The following FSTL5 variants were observed in gnomAD, a reference collection of about 807,000 sequenced individuals.
FSTL5 encodes the protein follistatin like 5, also known as follistatin-related protein 5.
A neutral mutation model predicts 89.1 loss-of-function variants in FSTL5; 62 were observed. The ratio of observed to expected loss-of-function variants is 0.70; its 90% CI spans 0.57 to 0.86. The LOEUF is 0.86. Among genes scored for constraint, FSTL5 ranks in the 40% least tolerant of loss-of-function variants. The probability of loss-of-function intolerance (pLI) is 0.00; values close to 1 mark genes in which losing one functional copy is unlikely to be tolerated. For missense variants in FSTL5, 1,057 were observed against 1,001.6 expected (o/e 1.06, Z -0.75); for synonymous variants, 383 against 346.2 (o/e 1.11, Z -1.18).
At chr4:161,510,083 C>T (rs1330690963) in intron 11 of FSTL5, among the ~76,000 whole-genome samples, 2 of 152,038 alleles carry the variant, frequency 1.3e-5, no homozygotes, top group Non-Finnish European at 2.9e-5. Context: ...TCTTACTCTG[C>T]ATTAATCAGA....
At chr4:161,624,260 C>G (rs1056407956) in intron 7 of FSTL5, among the ~76,000 whole-genome samples, 2 of 151,960 alleles carry the variant, frequency 1.3e-5, no homozygotes, top group African/African-American at 4.8e-5. Context: ...CATAGAAATA[C>G]ATGCCAAATT....
At chr4:161,622,376 T>C (rs770216258) in intron 7 of FSTL5, among the ~76,000 whole-genome samples, 1 of 152,100 alleles carries the variant, frequency 6.6e-6, no homozygotes, top group African/African-American at 2.4e-5. Context: ...TCTGAACATA[T>C]GTTATGAAGT....
At chr4:161,849,488 G>A (rs78416801) in intron 4 of FSTL5, among the ~76,000 whole-genome samples, 11,730 of 150,352 alleles carry the variant, frequency 0.078, 527 homozygotes, top group African/African-American at 0.12. Flanking sequence ...GTTATTAATG[G>A]CTCAAAACTA....
rs576648113 is a variant in FSTL5, at chr4:161,498,094, A to C, written c.1458+1922T>G. On this transcript the variant is annotated intron_variant, in intron 12 of 15. Transcript: ENST00000306100. Reference sequence around the variant, plus strand: ...TCTATGTATGTATATATACATATACATATATATGTATACATAGATAAATAT... The same window carrying C: ...TCTATGTATGTATATATACATATACCTATATATGTATACATAGATAAATAT... Among the ~76,000 whole-genome samples the C allele has an allele frequency of 1.8e-4, 28 of 151,946 alleles. No homozygotes were observed. The East Asian group carries it at 5.2e-3, about 28-fold the overall frequency.
intron 4 of FSTL5, among the ~76,000 whole-genome samples, chr4:161,850,604 A>G (rs1385438071): frequency 6.6e-6 from 1 of 152,174 alleles, no homozygotes; most frequent in Non-Finnish European, 1.5e-5. Context: ...GCATCTGTCA[A>G]TTATCACTAG....
chr4:161,659,743 C>T (rs762482046), intron 6 of FSTL5, among the ~76,000 whole-genome samples: 19 of 152,028 alleles, frequency 1.2e-4, no homozygotes, highest in Non-Finnish European at 2.1e-4. Flanking sequence ...ACAGTTGCTA[C>T]TTTAAAAACA....
intron 6 of FSTL5, among the ~76,000 whole-genome samples, chr4:161,749,930 G>A (rs1209075832): frequency 1.3e-5 from 2 of 151,916 alleles, no homozygotes; most frequent in African/African-American, 4.8e-5. Context: ...TGGGTAACGG[G>A]TACATTAGAA....
chr4:161,769,630 T>C (rs1201868294), intron 5 of FSTL5, among the ~76,000 whole-genome samples: 1 of 151,942 alleles, frequency 6.6e-6, no homozygotes, highest in Non-Finnish European at 1.5e-5. Flanking sequence ...TTTGATAATA[T>C]TCAACACCCT....
chr4:161,850,021 G>T (rs761925432), intron 4 of FSTL5, among the ~76,000 whole-genome samples: 1 of 152,186 alleles, frequency 6.6e-6, no homozygotes, highest in Admixed American at 6.5e-5. Flanking sequence ...ATGTTACCAA[G>T]ATCTCAAAGG....
At chr4:161,714,838 TA>T (rs1560805025) in intron 6 of FSTL5, among the ~76,000 whole-genome samples, 1 of 152,162 alleles carries the variant, frequency 6.6e-6, no homozygotes, top group African/African-American at 2.4e-5. Flanking sequence ...ATTTTTTTCA[TA>T]AAAGCCTGGG....
At chr4:161,570,293 G>A (rs1578933613) in intron 8 of FSTL5, among the ~76,000 whole-genome samples, 1 of 152,214 alleles carries the variant, frequency 6.6e-6, no homozygotes, top group East Asian at 1.9e-4. Context: ...AAGCAGAGTT[G>A]AAAGAGTTTG....
chr4:161,812,715 T>G, intron 4 of FSTL5, among the ~76,000 whole-genome samples: 1 of 151,960 alleles, frequency 6.6e-6, no homozygotes, highest in South Asian at 2.1e-4. Context: ...TTAGGACATT[T>G]CATTACCATC....
Position 161,784,895 on chromosome 4 carries a change from A to AACAAAAACAAAAACAAAAACAAAAAC in FSTL5, c.410-8822_410-8821insGTTTTTGTTTTTGTTTTTGTTTTTGT, listed in dbSNP as rs373897304. ...GCGACAGAGCAAGACTCCGTCTCAA[A>AACAAAAACAAAAACAAAAACAAAAAC]AAAAACAAAAACAAACAAACAAAAA... On this transcript the variant is annotated intron_variant, in intron 4 of 15. Coordinates refer to ENST00000306100, the MANE Select transcript of FSTL5 (RefSeq NM_020116.5). 9.9e-4 allele frequency among the ~76,000 whole-genome samples: 141 copies of AACAAAAACAAAAACAAAAACAAAAAC among 142,016 alleles called. 11 individuals carry two copies. The East Asian group carries it at 0.014, about 14-fold the overall frequency. The allele number at this position is 142,016 out of a possible 152,430, so 93.2% of individuals were successfully genotyped here. A position where few individuals can be genotyped will look rare whatever the true frequency, so the allele number is the denominator to read the frequency against.
chr4:161,549,132 T>A (rs1323619734), intron 8 of FSTL5, among the ~76,000 whole-genome samples: 1 of 151,758 alleles, frequency 6.6e-6, no homozygotes, highest in Non-Finnish European at 1.5e-5. Flanking sequence ...TGAAAATATG[T>A]TTATTTGTCG....
chr4:162,073,514 CTT>C (rs1317199422), intron 2 of FSTL5, among the ~76,000 whole-genome samples: 1 of 151,574 alleles, frequency 6.6e-6, no homozygotes, highest in Non-Finnish European at 1.5e-5. Context: ...AACAGGAAAA[CTT>C]TACATCAAGA....
chr4:162,092,764 C>A (rs1730594720), intron 2 of FSTL5, among the ~76,000 whole-genome samples: 2 of 151,698 alleles, frequency 1.3e-5, no homozygotes, highest in Admixed American at 1.3e-4. Context: ...GCCTGACCAA[C>A]ATGGTGAAAC....
At chr4:161,561,472 C>T (rs1307794691) in intron 8 of FSTL5, among the ~76,000 whole-genome samples, 1 of 151,836 alleles carries the variant, frequency 6.6e-6, no homozygotes, top group African/African-American at 2.4e-5. Context: ...TGCCTGGTGG[C>T]TGTTAATTGG....
intron 1 of FSTL5, among the ~76,000 whole-genome samples, chr4:162,156,423 C>CA (rs1733475220): frequency 1.3e-5 from 2 of 152,092 alleles, no homozygotes; most frequent in African/African-American, 2.4e-5. Flanking sequence ...AATCATTCTA[C>CA]AAAAAACATA....
intron 8 of FSTL5, among the ~76,000 whole-genome samples, chr4:161,557,713 T>C (rs759499864): frequency 2.2e-4 from 34 of 151,882 alleles, no homozygotes; most frequent in South Asian, 1.7e-3. Flanking sequence ...CAGATTATCA[T>C]ACTATCATAC....
Sources: allele counts gnomAD v4.1 joint callset (sites outside exome capture counted in the v4.1 genomes callset), GRCh38; gene constraint gnomAD v4.1.1; transcripts MANE v1.5; gene names NCBI Gene and HGNC (gene_info 2026-07-23, HGNC 2026-07-21).